The following HSD17B12 variants were observed in gnomAD, a reference collection of about 807,000 sequenced individuals.
HSD17B12 encodes the protein very-long-chain 3-oxoacyl-CoA reductase.
Under a neutral mutation model 39.3 loss-of-function variants are expected in HSD17B12, and 32 were observed. The ratio of observed to expected loss-of-function variants is 0.81; its 90% CI spans 0.61 to 1.09. The LOEUF (loss-of-function observed/expected upper bound fraction) is 1.09, where lower values mean the gene tolerates loss of function less well. Among genes scored for constraint, HSD17B12 ranks in the 50% least tolerant of loss-of-function variants. The pLI is 0.00. For synonymous variants in HSD17B12, 150 were observed against 146.7 expected, an observed-to-expected ratio of 1.02 and a Z score of -0.16; for missense variants, 342 against 382.9, an observed-to-expected ratio of 0.89 and a Z score of 0.89.
rs1285049780 is a variant in HSD17B12, at chr11:43,742,853, T to G, written c.161-8058T>G. 5.9e-5 allele frequency among the ~76,000 whole-genome samples: 9 copies of G among 152,114 alleles called. 1 individual carries two copies. The highest frequency in any genetic ancestry group is 4.1e-4 in the South Asian group (2 of 4,822). On this transcript the variant is annotated intron_variant, in intron 1 of 10. Transcript: ENST00000278353. ...AGGTAATATTTGACTTACATGTAAC[T>G]GGGCAGTGTTGGATTTGGTTTTGAG...
chr11:43,560,193 A>G, the HSD17B12 span, among the ~76,000 whole-genome samples: 2 of 152,178 alleles, frequency 1.3e-5, no homozygotes, highest in African/African-American at 2.4e-5. Flanking sequence ...TTCACATTTC[A>G]TATGTCGCAT....
intron 1 of HSD17B12, among the ~76,000 whole-genome samples, chr11:43,685,115 C>A (rs1279445937): frequency 1.3e-5 from 2 of 152,128 alleles, no homozygotes; most frequent in Non-Finnish European, 2.9e-5. Context: ...CTTTGTTCTA[C>A]CCTCTGGATG....
At chr11:43,808,290 A>ATT (rs35078092) in intron 4 of HSD17B12, among the ~76,000 whole-genome samples, 1 of 145,958 alleles carries the variant, frequency 6.9e-6, no homozygotes, top group African/African-American at 2.5e-5. Context: ...AGGTGCATGG[A>ATT]TTTTTTTTTT....
intron 3 of HSD17B12, among the ~76,000 whole-genome samples, chr11:43,772,426 C>T (rs1326911525): frequency 6.6e-6 from 1 of 152,104 alleles, no homozygotes; most frequent in Non-Finnish European, 1.5e-5. Context: ...TTTCCATCAC[C>T]CCTTCATGCA....
chr11:43,563,967 T>C, the HSD17B12 span, among the ~76,000 whole-genome samples: 1 of 152,126 alleles, frequency 6.6e-6, no homozygotes, highest in Non-Finnish European at 1.5e-5. Context: ...CAGGCTGGCA[T>C]GCAATGGCAC....
the HSD17B12 span, among the ~76,000 whole-genome samples, chr11:43,623,993 A>G: frequency 2.0e-5 from 3 of 152,012 alleles, no homozygotes; most frequent in African/African-American, 2.4e-5. Flanking sequence ...TGTTCAGCCT[A>G]GGTTCCTGTC....
intron 4 of HSD17B12, among the ~76,000 whole-genome samples, chr11:43,813,462 T>A (rs533454085): frequency 6.6e-5 from 10 of 152,320 alleles, no homozygotes; most frequent in African/African-American, 1.2e-4. Flanking sequence ...AAATTTTTTT[T>A]AATTCTGATG....
intron 1 of HSD17B12, among the ~76,000 whole-genome samples, chr11:43,712,139 T>C (rs1950072689): frequency 6.6e-6 from 1 of 152,120 alleles, no homozygotes. Context: ...TAATAAAACC[T>C]TGGTCTCAGC....
At chr11:43,683,946 G>C (rs1402188323) in intron 1 of HSD17B12, among the ~76,000 whole-genome samples, 1 of 152,118 alleles carries the variant, frequency 6.6e-6, no homozygotes, top group Non-Finnish European at 1.5e-5. Flanking sequence ...TCACAAATTG[G>C]CTCTTCTAAA....
the HSD17B12 span, among the ~76,000 whole-genome samples, chr11:43,602,959 C>G: frequency 1.3e-5 from 2 of 152,030 alleles, no homozygotes; most frequent in African/African-American, 4.8e-5. Context: ...TGTTTCATTT[C>G]AAAGACAAGA....
At chr11:43,629,485 C>T in the HSD17B12 span, among the ~76,000 whole-genome samples, 1 of 152,044 alleles carries the variant, frequency 6.6e-6, no homozygotes, top group Non-Finnish European at 1.5e-5. Flanking sequence ...ACATATTGTG[C>T]GACTCTAACC....
the HSD17B12 span, among the ~76,000 whole-genome samples, chr11:43,643,240 G>C: frequency 2.6e-5 from 4 of 152,082 alleles, no homozygotes; most frequent in Admixed American, 2.0e-4. Context: ...AGTTTGTACT[G>C]TATGTACAAA....
chr11:43,856,036 C>G lies in HSD17B12; in HGVS notation c.*788C>G, dbSNP rs1279151310. On this transcript the variant is annotated 3_prime_UTR_variant, in exon 11 of 11. Coordinates refer to ENST00000278353, the MANE Select transcript of HSD17B12 (RefSeq NM_016142.3). ...GTGGCTTGCTTGGACACCCAGCTGCCTTTGTTTCTGCATTAAACCAATATT... is the reference window on the plus strand; with the variant it reads ...GTGGCTTGCTTGGACACCCAGCTGCGTTTGTTTCTGCATTAAACCAATATT... The G allele has an allele frequency of 6.6e-6, 1 of 152,422 alleles. No homozygotes were observed. Among genetic ancestry groups the G allele is most frequent in the East Asian group, 1.9e-4 (1 of 5,188 alleles). 9.4% of individuals were successfully genotyped at this position (152,422 alleles called of 1,614,324 possible). A position where few individuals can be genotyped will look rare whatever the true frequency, so the allele number is the denominator to read the frequency against.
intron 4 of HSD17B12, chr11:43,806,518 A>C (rs572872582): frequency 4.6e-5 from 7 of 152,246 alleles, no homozygotes; most frequent in African/African-American, 1.4e-4. Flanking sequence ...TAAAAAAAAA[A>C]CCTGGAAATC....
chr11:43,848,784 C>T (rs1028674161), intron 9 of HSD17B12, among the ~76,000 whole-genome samples: 4 of 151,986 alleles, frequency 2.6e-5, no homozygotes, highest in Non-Finnish European at 4.4e-5. Context: ...TTTCCTGTTA[C>T]CCTACCACCT....
chr11:43,630,625 C>T, the HSD17B12 span, among the ~76,000 whole-genome samples: 1 of 152,040 alleles, frequency 6.6e-6, no homozygotes. Flanking sequence ...TCAGCCACCT[C>T]GACTTGGCTG....
chr11:43,762,964 C>T (rs1413686177), intron 3 of HSD17B12, among the ~76,000 whole-genome samples: 1 of 152,056 alleles, frequency 6.6e-6, no homozygotes, highest in Non-Finnish European at 1.5e-5. Flanking sequence ...ATAGTTCTTC[C>T]CATATCATGG....
At chr11:43,681,737 A>C (rs1275951467) in intron 1 of HSD17B12, among the ~76,000 whole-genome samples, 3 of 151,620 alleles carry the variant, frequency 2.0e-5, no homozygotes, top group African/African-American at 7.3e-5. Context: ...AACCAAACAC[A>C]TGGAACTTGT....
intron 3 of HSD17B12, among the ~76,000 whole-genome samples, chr11:43,776,578 T>G (rs1194814439): frequency 6.6e-6 from 1 of 152,232 alleles, no homozygotes; most frequent in Non-Finnish European, 1.5e-5. Context: ...TGATGGTAGT[T>G]TCTTTTGCTG....
Sources: gnomAD v4.1 joint callset for allele counts (sites outside exome capture counted in the v4.1 genomes callset) on GRCh38, gnomAD v4.1.1 for gene constraint, MANE v1.5 for transcripts, NCBI Gene and HGNC (gene_info 2026-07-23, HGNC 2026-07-21) for gene names.